Variants in CACNA2D3 observed in about 807,000 individuals in gnomAD.
CACNA2D3 encodes the protein voltage-dependent calcium channel subunit alpha-2/delta-3.
CACNA2D3 carries 60 observed loss-of-function variants against 160.6 expected under a neutral mutation model. That is an observed-to-expected ratio of 0.37 (90% CI 0.30 to 0.46). The LOEUF (loss-of-function observed/expected upper bound fraction) is 0.46. CACNA2D3 is among the 20% of genes least tolerant of loss of function. The pLI, the probability that CACNA2D3 is intolerant of heterozygous loss-of-function variation, is 1.00. For missense variants in CACNA2D3, 1,205 were observed against 1,365.0 expected (o/e 0.88, Z 1.85); for synonymous variants, 558 against 492.9 (o/e 1.13, Z -1.75).
At chr3:54,820,946 A>C (rs1019664266) in intron 14 of CACNA2D3, among the ~76,000 whole-genome samples, 1 of 152,156 alleles carries the variant, frequency 6.6e-6, no homozygotes, top group Non-Finnish European at 1.5e-5. Flanking sequence ...TATTCACTGC[A>C]GGATTAATTT....
intron 13 of CACNA2D3, among the ~76,000 whole-genome samples, chr3:54,772,015 A>G (rs920135148): frequency 6.6e-5 from 10 of 152,102 alleles, no homozygotes; most frequent in Middle Eastern, 3.4e-3. Flanking sequence ...GATGTTTCCC[A>G]GAGGAGCCTG....
chr3:54,791,289 T>C (rs1466328281), intron 13 of CACNA2D3, among the ~76,000 whole-genome samples: 2 of 152,142 alleles, frequency 1.3e-5, no homozygotes, highest in African/African-American at 4.8e-5. Flanking sequence ...CAATGTTCAG[T>C]AGGAATATAA....
At chr3:54,349,035 A>C (rs991789617) in intron 3 of CACNA2D3, among the ~76,000 whole-genome samples, 3 of 152,118 alleles carry the variant, frequency 2.0e-5, no homozygotes. Flanking sequence ...TCCGACTGTT[A>C]CTTTTTTGAT....
At chr3:54,898,694 T>A (rs1267171848) in intron 26 of CACNA2D3, among the ~76,000 whole-genome samples, 1 of 152,250 alleles carries the variant, frequency 6.6e-6, no homozygotes, top group African/African-American at 2.4e-5. Flanking sequence ...GTTCTTCTGA[T>A]TCTGGAATCA....
chr3:54,972,189 AC>A (rs980338600), intron 29 of CACNA2D3, among the ~76,000 whole-genome samples: 13 of 152,128 alleles, frequency 8.5e-5, no homozygotes, highest in African/African-American at 3.1e-4. Context: ...ATTGGGATAA[AC>A]CCCTATTCAA....
intron 2 of CACNA2D3, among the ~76,000 whole-genome samples, chr3:54,145,614 A>G (rs1700012638): frequency 6.6e-6 from 1 of 152,196 alleles, no homozygotes; most frequent in Non-Finnish European, 1.5e-5. Flanking sequence ...GGGCTCTGCG[A>G]TCTACGTTTC....
At chr3:54,825,694 A>G (rs1284102460) in intron 14 of CACNA2D3, among the ~76,000 whole-genome samples, 1 of 152,234 alleles carries the variant, frequency 6.6e-6, no homozygotes, top group Non-Finnish European at 1.5e-5. Context: ...AAATAAACAT[A>G]TTTTATTTTC....
chr3:54,778,367 G>C (rs980186959), intron 13 of CACNA2D3, among the ~76,000 whole-genome samples: 7 of 151,836 alleles, frequency 4.6e-5, no homozygotes, highest in African/African-American at 1.7e-4. Flanking sequence ...ATAGTCTCTA[G>C]AACCAGCCCT....
chr3:54,686,066 C>CT (rs1700443945), intron 11 of CACNA2D3, among the ~76,000 whole-genome samples: 1 of 152,202 alleles, frequency 6.6e-6, no homozygotes, highest in East Asian at 1.9e-4. Flanking sequence ...CATAGCAGGA[C>CT]TGTGTTAATA....
chr3:54,234,831 G>C (rs1350572715), intron 2 of CACNA2D3, among the ~76,000 whole-genome samples: 1 of 152,032 alleles, frequency 6.6e-6, no homozygotes, highest in Non-Finnish European at 1.5e-5. Flanking sequence ...ACACAAAGAA[G>C]GGAACAACAG....
At chr3:54,936,525 A>G (rs1365519670) in intron 27 of CACNA2D3, among the ~76,000 whole-genome samples, 2 of 152,190 alleles carry the variant, frequency 1.3e-5, no homozygotes, top group Admixed American at 1.3e-4. Flanking sequence ...CCCTGCCTTG[A>G]CTTTGCTGCA....
rs112056109 is a variant in CACNA2D3 at position 54,527,349 on chromosome 3, C to T, written c.544+23695C>T. Among the ~76,000 whole-genome samples the T allele has an allele frequency of 9.2e-3, 1,401 of 152,242 alleles. 16 individuals are homozygous for T. The highest frequency in any genetic ancestry group is 0.031 in the African/African-American group (1,279 of 41,522). ...AATTTCAAACTATTTGTTTTATGGC[C>T]TGCTTTCTCCCAGCCTCCCCTGGGC... On this transcript the variant is annotated intron_variant, in intron 5 of 37. Transcript: ENST00000474759.
intron 3 of CACNA2D3, among the ~76,000 whole-genome samples, chr3:54,346,835 G>C (rs1353329335): frequency 6.6e-6 from 1 of 151,986 alleles, no homozygotes; most frequent in Non-Finnish European, 1.5e-5. Flanking sequence ...CTGTGCTCTT[G>C]GCAACCTTTG....
At chr3:54,227,868 C>T (rs545923538) in intron 2 of CACNA2D3, among the ~76,000 whole-genome samples, 1 of 152,272 alleles carries the variant, frequency 6.6e-6, no homozygotes, top group South Asian at 2.1e-4. Flanking sequence ...CTCTTTTGGT[C>T]ACCTCCCTGC....
chr3:54,357,536 C>T (rs1031265131), intron 3 of CACNA2D3, among the ~76,000 whole-genome samples: 3 of 152,198 alleles, frequency 2.0e-5, no homozygotes, highest in Non-Finnish European at 4.4e-5. Flanking sequence ...ACTACACATA[C>T]TCTTACCATA....
intron 8 of CACNA2D3, among the ~76,000 whole-genome samples, chr3:54,574,455 G>T (rs1423328305): frequency 6.6e-6 from 1 of 152,148 alleles, no homozygotes; most frequent in Non-Finnish European, 1.5e-5. Flanking sequence ...TAAACATAAA[G>T]AGATAATGTT....
In CACNA2D3 at chr3:54,918,321, C is replaced by CTTTTTTTTTCTTT. The variant is rs1700714215; in HGVS notation, c.2449+18462_2449+18463insCTTTTTTTTTTTT. 3.6e-4 allele frequency: 143 copies of CTTTTTTTTTCTTT among 394,396 alleles called. 1 individual carries two copies. The highest frequency in any genetic ancestry group is 1.9e-3 in the African/African-American group (65 of 34,120). 24.4% of individuals were successfully genotyped at this position (394,396 alleles called of 1,614,324 possible). ...CCAGAAATATTTTTTACAGACACAT[C>CTTTTTTTTTCTTT]TTTTTTTTTTCTTTTTTTTTTTTTT... On this transcript the variant is annotated intron_variant, in intron 27 of 37. Coordinates refer to ENST00000474759, the MANE Select transcript of CACNA2D3 (RefSeq NM_018398.3).
intron 4 of CACNA2D3, among the ~76,000 whole-genome samples, chr3:54,478,440 C>T (rs1030682489): frequency 5.9e-5 from 9 of 151,512 alleles, no homozygotes; most frequent in African/African-American, 1.2e-4. Flanking sequence ...AGACCATCCT[C>T]GCTAACACGG....
intron 4 of CACNA2D3, among the ~76,000 whole-genome samples, chr3:54,410,215 G>T (rs181601214): frequency 6.6e-6 from 1 of 152,130 alleles, no homozygotes; most frequent in Non-Finnish European, 1.5e-5. Context: ...ATAGCCAGGC[G>T]TGGTGGCTTG....
Sources: gnomAD v4.1 joint callset for allele counts (sites outside exome capture counted in the v4.1 genomes callset) on GRCh38, gnomAD v4.1.1 for gene constraint, MANE v1.5 for transcripts, NCBI Gene and HGNC (gene_info 2026-07-23, HGNC 2026-07-21) for gene names.